AUTS2: variants seen among roughly 807,000 people sequenced by gnomAD.
AUTS2 encodes activator of transcription and developmental regulator AUTS2.
In AUTS2, 17 loss-of-function variants were observed where a neutral mutation model predicts 112.4. The observed-to-expected ratio is 0.15, with a 90% CI of 0.10 to 0.23. The LOEUF (loss-of-function observed/expected upper bound fraction) is 0.23. Ranked by LOEUF, AUTS2 falls within the 10% of genes least tolerant of loss-of-function variation. The pLI, the probability that AUTS2 is intolerant of heterozygous loss-of-function variation, is 1.00. For missense variants in AUTS2, 1,510 were observed against 1,701.6 expected (o/e 0.89, Z 1.98); for synonymous variants, 751 against 702.7 (o/e 1.07, Z -1.09).
chr7:70,084,954 C>A (rs1022448457), intron 2 of AUTS2, among the ~76,000 whole-genome samples: 2 of 152,074 alleles, frequency 1.3e-5, no homozygotes, highest in African/African-American at 4.8e-5. Flanking sequence ...CTCACCGTAA[C>A]CTTGAACTCC....
intron 2 of AUTS2, among the ~76,000 whole-genome samples, chr7:69,981,797 T>C (rs1798305018): frequency 6.6e-6 from 1 of 152,194 alleles, no homozygotes; most frequent in Non-Finnish European, 1.5e-5. Flanking sequence ...CATTAGTAGG[T>C]CACTAAAGAG....
At chr7:69,690,264 T>C (rs1441418715) in intron 1 of AUTS2, among the ~76,000 whole-genome samples, 1 of 152,174 alleles carries the variant, frequency 6.6e-6, no homozygotes, top group African/African-American at 2.4e-5. Context: ...ACATATAATA[T>C]AGTTGGTGTT....
chr7:70,610,451 T>C (rs1393526524), intron 5 of AUTS2, among the ~76,000 whole-genome samples: 8 of 106,718 alleles, frequency 7.5e-5, no homozygotes, highest in African/African-American at 3.2e-4. Flanking sequence ...TTTTTTTTTT[T>C]TCCTGACAGA....
intron 1 of AUTS2, among the ~76,000 whole-genome samples, chr7:69,813,684 A>G (rs545999889): frequency 1.3e-5 from 2 of 152,284 alleles, no homozygotes; most frequent in South Asian, 2.1e-4. Context: ...TTGTGAAATC[A>G]TGTTATATGG....
chr7:70,688,004 G>T (rs180790331), intron 5 of AUTS2, among the ~76,000 whole-genome samples: 2 of 152,340 alleles, frequency 1.3e-5, no homozygotes, highest in East Asian at 3.9e-4. Context: ...CTGCCTCCCA[G>T]TGGCGGGCAA....
chr7:70,730,338 C>T (rs1316018122), intron 6 of AUTS2, among the ~76,000 whole-genome samples: 2 of 152,006 alleles, frequency 1.3e-5, no homozygotes, highest in Non-Finnish European at 2.9e-5. Context: ...AAGAGTTATG[C>T]AGCTATCACT....
intron 1 of AUTS2, among the ~76,000 whole-genome samples, chr7:69,818,712 G>T (rs1046307603): frequency 5.9e-5 from 9 of 152,114 alleles, no homozygotes; most frequent in Admixed American, 6.5e-5. Context: ...AGTCCTCTTT[G>T]CTTTGTGTTT....
At chr7:70,145,955 T>G (rs1178127499) in intron 4 of AUTS2, among the ~76,000 whole-genome samples, 3 of 152,158 alleles carry the variant, frequency 2.0e-5, no homozygotes, top group Non-Finnish European at 4.4e-5. Flanking sequence ...TGCCAATTAT[T>G]TCCTGCCTAA....
At chr7:70,185,580 G>A (rs1317317093) in intron 4 of AUTS2, among the ~76,000 whole-genome samples, 1 of 152,166 alleles carries the variant, frequency 6.6e-6, no homozygotes, top group Admixed American at 6.5e-5. Flanking sequence ...GAAGAAAGAA[G>A]AGCTAATATG....
chr7:70,441,821 C>T (rs1796133360), intron 5 of AUTS2, among the ~76,000 whole-genome samples: 1 of 152,184 alleles, frequency 6.6e-6, no homozygotes, highest in African/African-American at 2.4e-5. Flanking sequence ...AAACCACATG[C>T]CTAACTTGGC....
chr7:70,255,074 C>CTTTT (rs3078929), intron 4 of AUTS2, among the ~76,000 whole-genome samples: 1,806 of 129,596 alleles, frequency 0.014, 33 homozygotes, highest in South Asian at 0.023. Flanking sequence ...TCAAAATTAC[C>CTTTT]TTTTTTTTTT....
chr7:69,655,115 T>C (rs1795464252), intron 1 of AUTS2, among the ~76,000 whole-genome samples: 1 of 152,104 alleles, frequency 6.6e-6, no homozygotes, highest in African/African-American at 2.4e-5. Context: ...TAGGGAAGCT[T>C]GTTGACCATT....
intron 5 of AUTS2, among the ~76,000 whole-genome samples, chr7:70,590,375 TC>T (rs1425222806): frequency 6.6e-6 from 1 of 152,084 alleles, no homozygotes; most frequent in Non-Finnish European, 1.5e-5. Flanking sequence ...AGAACTCAGA[TC>T]TTTCTGACTC....
intron 5 of AUTS2, among the ~76,000 whole-genome samples, chr7:70,510,858 A>G (rs1263312675): frequency 6.6e-6 from 1 of 151,520 alleles, no homozygotes; most frequent in East Asian, 1.9e-4. Flanking sequence ...TTATTTATTT[A>G]TTTTTGTTGA....
intron 4 of AUTS2, among the ~76,000 whole-genome samples, chr7:70,428,897 A>G (rs1795537514): frequency 6.6e-6 from 1 of 152,244 alleles, no homozygotes; most frequent in Admixed American, 6.5e-5. Context: ...GACTGATTTC[A>G]ATTTGGACCA....
chr7:70,147,822 T>A (rs1807212696), intron 4 of AUTS2, among the ~76,000 whole-genome samples: 1 of 151,892 alleles, frequency 6.6e-6, no homozygotes, highest in African/African-American at 2.4e-5. Flanking sequence ...CTGAAAGGAG[T>A]GATCAAGCAT....
intron 1 of AUTS2, among the ~76,000 whole-genome samples, chr7:69,776,273 C>T (rs1195704295): frequency 6.6e-6 from 1 of 152,148 alleles, no homozygotes; most frequent in Non-Finnish European, 1.5e-5. Flanking sequence ...ATCTCTACAT[C>T]CTATATGGAC....
At chr7:69,672,542 T>C (rs1198064869) in intron 1 of AUTS2, among the ~76,000 whole-genome samples, 25 of 152,164 alleles carry the variant, frequency 1.6e-4, no homozygotes, top group Non-Finnish European at 1.5e-5. Context: ...GGGGTCAAGA[T>C]CATGTGTCTC....
At chr7:70,045,916 C>A (rs1036284524) in intron 2 of AUTS2, among the ~76,000 whole-genome samples, 1 of 151,758 alleles carries the variant, frequency 6.6e-6, no homozygotes, top group Admixed American at 6.6e-5. Context: ...TGAGCCACTG[C>A]GCCTGGCCTT....
Sources: allele counts gnomAD v4.1 joint callset (sites outside exome capture counted in the v4.1 genomes callset), GRCh38; gene constraint gnomAD v4.1.1; transcripts MANE v1.5; gene names NCBI Gene and HGNC (gene_info 2026-07-23, HGNC 2026-07-21).